The following RIT2 variants were observed in gnomAD, a reference collection of about 807,000 sequenced individuals.
RIT2 encodes the protein Ras like without CAAX 2.
In RIT2, 24 loss-of-function variants were observed where a neutral mutation model predicts 23.7. The ratio of observed to expected loss-of-function variants is 1.01; its 90% CI spans 0.73 to 1.43. RIT2 has a LOEUF of 1.43. Among genes scored for constraint, RIT2 ranks in the 40% most tolerant of loss-of-function variants. RIT2 has a pLI of 0.00. For missense variants in RIT2, 236 were observed against 266.9 expected, an observed-to-expected ratio of 0.88 and a Z score of 0.81; for synonymous variants, 107 against 91.1, an observed-to-expected ratio of 1.17 and a Z score of -0.99.
intron 4 of RIT2, among the ~76,000 whole-genome samples, chr18:42,782,726 A>G (rs1262409374): frequency 1.2e-4 from 18 of 152,144 alleles, no homozygotes; most frequent in Admixed American, 1.2e-3. Context: ...ATGCTTTAGT[A>G]ATTATGGTTT....
intron 4 of RIT2, among the ~76,000 whole-genome samples, chr18:42,848,593 T>C (rs1270390100): frequency 6.6e-6 from 1 of 152,172 alleles, no homozygotes; most frequent in Non-Finnish European, 1.5e-5. Flanking sequence ...CATAATTTAA[T>C]TTACAGAGAA....
At chr18:43,113,826 A>G (rs1914006469) in intron 1 of RIT2, among the ~76,000 whole-genome samples, 1 of 152,204 alleles carries the variant, frequency 6.6e-6, no homozygotes, top group Non-Finnish European at 1.5e-5. Flanking sequence ...CAATTTCAGC[A>G]TCTCCCTGAC....
Position 43,111,167 on chromosome 18 carries a change from G to A in RIT2, c.103+4250C>T, listed in dbSNP as rs114906833. Reference sequence around the variant, plus strand: ...TTGCAACAGCATGCATGGAAATGGAGATCATTGTGTCAAGTGAAATAAGCC... The same window carrying A: ...TTGCAACAGCATGCATGGAAATGGAAATCATTGTGTCAAGTGAAATAAGCC... On this transcript the variant is annotated intron_variant, in intron 1 of 4. Transcript: ENST00000326695. Among the ~76,000 whole-genome samples the A allele has an allele frequency of 3.5e-3, 534 of 152,262 alleles. 3 individuals carry two copies. The highest frequency in any genetic ancestry group is 0.011 in the African/African-American group (451 of 41,546).
chr18:43,081,012 C>A (rs563569250), intron 1 of RIT2, among the ~76,000 whole-genome samples: 6 of 152,104 alleles, frequency 3.9e-5, no homozygotes, highest in Non-Finnish European at 8.8e-5. Context: ...TCTAAATGAA[C>A]CTGAAAGTTT....
chr18:43,010,534 T>G (rs544399465), intron 2 of RIT2, among the ~76,000 whole-genome samples: 12 of 152,002 alleles, frequency 7.9e-5, no homozygotes, highest in African/African-American at 2.9e-4. Flanking sequence ...ACAATTTTGT[T>G]CAGGTTTGAG....
At chr18:43,086,158 C>T (rs2144353923) in intron 1 of RIT2, among the ~76,000 whole-genome samples, 1 of 152,202 alleles carries the variant, frequency 6.6e-6, no homozygotes, top group East Asian at 1.9e-4. Context: ...ACATTCCTAA[C>T]CCCAAAACCC....
chr18:42,750,498 T>C (rs560203777), intron 4 of RIT2, among the ~76,000 whole-genome samples: 4 of 151,936 alleles, frequency 2.6e-5, no homozygotes, highest in South Asian at 2.1e-4. Flanking sequence ...CCCTTTGAAT[T>C]TGGGGCATAA....
At chr18:42,766,020 A>G (rs1598645341) in intron 4 of RIT2, among the ~76,000 whole-genome samples, 1 of 152,160 alleles carries the variant, frequency 6.6e-6, no homozygotes, top group East Asian at 1.9e-4. Context: ...GCCATGTGGA[A>G]CTGTAAGTCC....
intron 1 of RIT2, among the ~76,000 whole-genome samples, chr18:43,065,541 A>G (rs1355772403): frequency 1.3e-5 from 2 of 152,132 alleles, no homozygotes; most frequent in Admixed American, 1.3e-4. Context: ...TCTGAATCAC[A>G]GGGAACACAT....
At chr18:42,813,650 T>C (rs1330868994) in intron 4 of RIT2, among the ~76,000 whole-genome samples, 1 of 152,140 alleles carries the variant, frequency 6.6e-6, no homozygotes, top group African/African-American at 2.4e-5. Flanking sequence ...AGAAATAAAT[T>C]CATTTAGTAA....
intron 4 of RIT2, among the ~76,000 whole-genome samples, chr18:42,756,655 G>A (rs1157348116): frequency 3.9e-5 from 6 of 152,042 alleles, no homozygotes; most frequent in Non-Finnish European, 8.8e-5. Context: ...GACCTTGAAC[G>A]TGTAAATATA....
chr18:42,764,768 T>A lies in RIT2; in HGVS notation c.427-21048A>T, dbSNP rs1364674743. ...CAGCATCACATCACTAATGTTATCC[T>A]CTCATCTGCTAACCTTATTTCACTA... is the stretch of plus-strand genomic sequence containing the variant. On this transcript the variant is annotated intron_variant, in intron 4 of 4. Coordinates refer to ENST00000326695, the MANE Select transcript of RIT2 (RefSeq NM_002930.4). Among the ~76,000 whole-genome samples the A allele has an allele frequency of 2.0e-5, 3 of 152,224 alleles. No homozygotes were observed. In the East Asian group the frequency reaches 5.8e-4, roughly 29 times the overall value.
intron 2 of RIT2, among the ~76,000 whole-genome samples, chr18:42,984,202 A>G (rs1291875088): frequency 6.6e-6 from 1 of 152,128 alleles, no homozygotes; most frequent in East Asian, 1.9e-4. Flanking sequence ...TGATACAACC[A>G]TATCACGGAA....
chr18:42,816,104 G>A (rs180917460), intron 4 of RIT2, among the ~76,000 whole-genome samples: 1 of 151,646 alleles, frequency 6.6e-6, no homozygotes, highest in African/African-American at 2.4e-5. Flanking sequence ...CAGGACAATG[G>A]TGTGCCAGTA....
chr18:42,922,392 G>A (rs1220747230), intron 4 of RIT2, among the ~76,000 whole-genome samples: 2 of 151,998 alleles, frequency 1.3e-5, no homozygotes, highest in African/African-American at 4.8e-5. Context: ...TCATTAGCTG[G>A]AATAACATGA....
chr18:43,115,186 A>C (rs755467356), intron 1 of RIT2, among the ~76,000 whole-genome samples: 13 of 152,154 alleles, frequency 8.5e-5, no homozygotes, highest in Non-Finnish European at 1.5e-4. Flanking sequence ...ATCAAAGAAA[A>C]CAATCATCCT....
chr18:42,847,107 T>G (rs59683298), intron 4 of RIT2, among the ~76,000 whole-genome samples: 3,639 of 152,180 alleles, frequency 0.024, 141 homozygotes, highest in African/African-American at 0.081. Flanking sequence ...AAAAAACATA[T>G]ATTGGACTGT....
intron 1 of RIT2, among the ~76,000 whole-genome samples, chr18:43,096,198 C>G (rs143522415): frequency 1.3e-5 from 2 of 151,988 alleles, no homozygotes; most frequent in African/African-American, 4.8e-5. Flanking sequence ...AGCACATATT[C>G]TAATGAAGAT....
intron 4 of RIT2, among the ~76,000 whole-genome samples, chr18:42,775,274 C>G (rs1913640920): frequency 6.6e-6 from 1 of 152,112 alleles, no homozygotes; most frequent in South Asian, 2.1e-4. Context: ...AAAGGCCTCA[C>G]AGTAATAATT....
Sources: allele counts gnomAD v4.1 joint callset (sites outside exome capture counted in the v4.1 genomes callset), GRCh38; gene constraint gnomAD v4.1.1; transcripts MANE v1.5; gene names NCBI Gene and HGNC (gene_info 2026-07-23, HGNC 2026-07-21).